The following AK5 variants were observed in gnomAD, a reference collection of about 807,000 sequenced individuals.
AK5 encodes adenylate kinase isoenzyme 5.
AK5 carries 27 observed loss-of-function variants against 69.5 expected under a neutral mutation model. That is an observed-to-expected ratio of 0.39 (90% CI 0.29 to 0.54). AK5 has a LOEUF of 0.54. AK5 is among the 20% of genes least tolerant of loss of function. AK5 has a pLI of 0.71. For synonymous variants in AK5, 260 were observed against 244.4 expected, an observed-to-expected ratio of 1.06 and a Z score of -0.60; for missense variants, 531 against 700.4, an observed-to-expected ratio of 0.76 and a Z score of 2.73.
intron 8 of AK5, among the ~76,000 whole-genome samples, chr1:77,425,756 T>C (rs1171819068): frequency 6.6e-6 from 1 of 152,192 alleles, no homozygotes; most frequent in Non-Finnish European, 1.5e-5. Context: ...ATATATTTAA[T>C]TATATATACT....
At chr1:77,367,316 A>T (rs1199334341) in intron 6 of AK5, among the ~76,000 whole-genome samples, 3 of 150,834 alleles carry the variant, frequency 2.0e-5, no homozygotes, top group Non-Finnish European at 3.0e-5. Context: ...AAATTTATTT[A>T]TGCTTTTTGG....
intron 5 of AK5, among the ~76,000 whole-genome samples, chr1:77,324,228 A>G (rs1007577070): frequency 2.0e-5 from 3 of 152,108 alleles, no homozygotes; most frequent in African/African-American, 7.2e-5. Flanking sequence ...AACTTCTCTG[A>G]TTTTAATGAA....
At chr1:77,523,425 GA>G (rs1394308881) in intron 12 of AK5, among the ~76,000 whole-genome samples, 4 of 152,028 alleles carry the variant, frequency 2.6e-5, no homozygotes, top group Non-Finnish European at 1.5e-5. Flanking sequence ...TTTTTCCCAT[GA>G]AAAAAATCAC....
chr1:77,523,076 T>C (rs1466641115), intron 12 of AK5, among the ~76,000 whole-genome samples: 1 of 152,168 alleles, frequency 6.6e-6, no homozygotes, highest in Non-Finnish European at 1.5e-5. Context: ...TCTAGTAACA[T>C]TGATTGAGGT....
chr1:77,453,395 T>G (rs1221872577), intron 8 of AK5, among the ~76,000 whole-genome samples: 2 of 152,258 alleles, frequency 1.3e-5, no homozygotes, highest in Non-Finnish European at 2.9e-5. Flanking sequence ...TCATATTGTA[T>G]ATATCCTTCT....
chr1:77,424,577 C>T lies in AK5; in HGVS notation c.1059+6862C>T, dbSNP rs558311341. 5.3e-5 allele frequency among the ~76,000 whole-genome samples: 8 copies of T among 152,200 alleles called. No individual in the cohort carries two copies. The South Asian group carries it at 1.5e-3, about 28-fold the overall frequency. ...GTAAGCAGAGAAGGAAATTCTAACA[C>T]AGAAGCAAAAAGAAATTCTAGAGAT... On this transcript the variant is annotated intron_variant, in intron 8 of 13. Transcript: ENST00000354567.
chr1:77,427,633 A>G (rs1266602177), intron 8 of AK5, among the ~76,000 whole-genome samples: 2 of 152,194 alleles, frequency 1.3e-5, no homozygotes, highest in African/African-American at 2.4e-5. Flanking sequence ...CATTCTCTAT[A>G]TACCAACACT....
intron 8 of AK5, among the ~76,000 whole-genome samples, chr1:77,434,705 A>G (rs566156370): frequency 8.5e-5 from 13 of 152,182 alleles, no homozygotes; most frequent in Non-Finnish European, 1.8e-4. Flanking sequence ...TCTTAGGCCA[A>G]TTACCAAAAG....
intron 10 of AK5, among the ~76,000 whole-genome samples, chr1:77,503,779 C>T (rs1191002309): frequency 2.0e-5 from 3 of 151,978 alleles, no homozygotes; most frequent in Non-Finnish European, 4.4e-5. Context: ...GTGGCGGGCG[C>T]CTGCAATCCC....
At chr1:77,434,107 C>CACAAATAA (rs1304504569) in intron 8 of AK5, among the ~76,000 whole-genome samples, 452 of 143,588 alleles carry the variant, frequency 3.1e-3, no homozygotes, top group Non-Finnish European at 3.8e-3. Context: ...GAGTGCAAAG[C>CACAAATAA]ATAAATAAAT....
intron 8 of AK5, among the ~76,000 whole-genome samples, chr1:77,453,399 T>C (rs1366916161): frequency 6.6e-6 from 1 of 152,240 alleles, no homozygotes; most frequent in African/African-American, 2.4e-5. Context: ...ATTGTATATA[T>C]CCTTCTGCAA....
At chr1:77,474,357 C>T (rs1185634347) in intron 8 of AK5, among the ~76,000 whole-genome samples, 1 of 152,188 alleles carries the variant, frequency 6.6e-6, no homozygotes, top group East Asian at 1.9e-4. Context: ...ATCTTTCATT[C>T]CTCCCTGGCT....
chr1:77,457,345 A>G (rs1042399396), intron 8 of AK5, among the ~76,000 whole-genome samples: 2 of 151,696 alleles, frequency 1.3e-5, no homozygotes, highest in African/African-American at 4.8e-5. Flanking sequence ...CTCATTTTCT[A>G]CCCTCTGCTC....
chr1:77,463,067 G>A (rs545017405), intron 8 of AK5, among the ~76,000 whole-genome samples: 8 of 152,180 alleles, frequency 5.3e-5, no homozygotes, highest in South Asian at 2.1e-4. Flanking sequence ...GGATTACTTG[G>A]GTATGGATTA....
At chr1:77,548,441 G>A (rs988389132) in intron 13 of AK5, among the ~76,000 whole-genome samples, 7 of 152,178 alleles carry the variant, frequency 4.6e-5, no homozygotes, top group Non-Finnish European at 8.8e-5. Flanking sequence ...AGCCGCTGCT[G>A]TTATCCTCTG....
chr1:77,476,451 C>T (rs1654940569), intron 8 of AK5, among the ~76,000 whole-genome samples: 1 of 150,374 alleles, frequency 6.7e-6, no homozygotes, highest in Admixed American at 6.7e-5. Flanking sequence ...ACTTCATTCA[C>T]AGTTTTCCAG....
chr1:77,386,353 A>C (rs1260044088), intron 6 of AK5, among the ~76,000 whole-genome samples: 2 of 152,166 alleles, frequency 1.3e-5, no homozygotes, highest in Non-Finnish European at 2.9e-5. Flanking sequence ...TTAAGGGTGG[A>C]GATGATGTAG....
chr1:77,496,693 T>C (rs1190500498), intron 10 of AK5, among the ~76,000 whole-genome samples: 2 of 152,162 alleles, frequency 1.3e-5, no homozygotes, highest in Non-Finnish European at 2.9e-5. Flanking sequence ...GCTGGGCTTC[T>C]GGGTTGGGTG....
intron 8 of AK5, among the ~76,000 whole-genome samples, chr1:77,432,927 C>A (rs1375253962): frequency 1.3e-5 from 2 of 152,190 alleles, no homozygotes; most frequent in Admixed American, 6.5e-5. Flanking sequence ...TTGGGAAACG[C>A]TGCCTATAGC....
Sources: gnomAD v4.1 joint callset for allele counts (sites outside exome capture counted in the v4.1 genomes callset) on GRCh38, gnomAD v4.1.1 for gene constraint, MANE v1.5 for transcripts, NCBI Gene and HGNC (gene_info 2026-07-23, HGNC 2026-07-21) for gene names.